Variants in FGF1 observed in about 807,000 individuals in gnomAD.
The protein encoded by FGF1 is beta-endothelial cell growth factor.
FGF1 carries 9 observed loss-of-function variants against 13.4 expected under a neutral mutation model. The ratio of observed to expected loss-of-function variants is 0.67; its 90% CI spans 0.40 to 1.17. FGF1 has a LOEUF of 1.17. Ranked by LOEUF, FGF1 falls within the 50% of genes most tolerant of loss-of-function variation. The pLI is 0.01. For synonymous variants in FGF1, 93 were observed against 79.0 expected, an observed-to-expected ratio of 1.18 and a Z score of -0.94; for missense variants, 156 against 192.7, an observed-to-expected ratio of 0.81 and a Z score of 1.13.
chr5:142,614,234 G>A, intron 1 of FGF1, 73 bp from the exon 2 acceptor site: 1 of 1,227,902 alleles, frequency 8.1e-7, no homozygotes, highest in Non-Finnish European at 1.2e-6. Context: ...AGAGAGGAAG[G>A]ACAGCTCCAG....
intron 1 of FGF1, among the ~76,000 whole-genome samples, chr5:142,643,438 A>G (rs1371394549): frequency 2.6e-5 from 4 of 152,120 alleles, no homozygotes; most frequent in African/African-American, 9.7e-5. Context: ...TATTTGTATA[A>G]TCAGAGAAAT....
chr5:142,622,214 C>T (rs1411105802), intron 1 of FGF1, among the ~76,000 whole-genome samples: 1 of 152,242 alleles, frequency 6.6e-6, no homozygotes, highest in Admixed American at 6.5e-5. Context: ...ACGTTTACTT[C>T]ACTGACTCCT....
At chr5:142,650,652 TTATATG>T (rs993345054) in intron 1 of FGF1, among the ~76,000 whole-genome samples, 1 of 151,822 alleles carries the variant, frequency 6.6e-6, no homozygotes, top group African/African-American at 2.4e-5. Context: ...CATATACACT[TTATATG>T]TGTGTGTGTG....
chr5:142,630,950 G>A (rs1036033492), intron 1 of FGF1, among the ~76,000 whole-genome samples: 3 of 151,926 alleles, frequency 2.0e-5, no homozygotes, highest in African/African-American at 4.8e-5. Flanking sequence ...TTTTTCCCAC[G>A]CTGGACTGTA....
chr5:142,689,823 G>C (rs1209819916), upstream of FGF1, among the ~76,000 whole-genome samples: 1 of 147,828 alleles, frequency 6.8e-6, no homozygotes, highest in African/African-American at 2.5e-5. Context: ...CTCAGCCTCC[G>C]GAGTAGCTGG....
In FGF1 at chr5:142,601,312, T is replaced by C. The variant is rs185908435; in HGVS notation, c.170-507A>G. On this transcript the variant is annotated intron_variant, in intron 2 of 3. Transcript: ENST00000337706. ...GGGAGAGATTCCTGTCCGCAGATCG[T>C]TATTTTATAAAATCTGAGATTGCTG... Among the ~76,000 whole-genome samples the C allele has an allele frequency of 1.1e-4, 16 of 152,302 alleles. 1 individual carries two copies. Among genetic ancestry groups the C allele is most frequent in the Admixed American group, 3.3e-4 (5 of 15,300 alleles).
rs17099022 is a variant in FGF1, at chr5:142,592,563, C to T, written c.*2727G>A. On this transcript the variant is annotated 3_prime_UTR_variant, in exon 4 of 4. Coordinates refer to ENST00000337706, the MANE Select transcript of FGF1 (RefSeq NM_000800.5). ...CGAAAATGAATCCATATGAGAGTCA[C>T]GTGACAGGAGCTGGCTATGAGACTT... 0.11 allele frequency: 45,070 copies of T among 396,992 alleles called. 5,475 individuals carry two copies. The highest frequency in any genetic ancestry group is 0.42 in the African/African-American group (20,384 of 48,590). The allele number at this position is 396,992 out of a possible 1,614,324, so 24.6% of individuals were successfully genotyped here.
intron 1 of FGF1, among the ~76,000 whole-genome samples, chr5:142,615,222 C>CTT (rs796430077): frequency 2.0e-5 from 3 of 146,886 alleles, no homozygotes; most frequent in Non-Finnish European, 3.0e-5. Context: ...GTGAACTGCA[C>CTT]TTTTTTTTTT....
intron 1 of FGF1, among the ~76,000 whole-genome samples, chr5:142,681,822 T>A (rs1490739812): frequency 1.3e-5 from 2 of 152,146 alleles, no homozygotes; most frequent in African/African-American, 2.4e-5. Context: ...CAGCCCCTAC[T>A]ATTATATGCA....
At position 142,595,414 on chromosome 5, in the gene FGF1, T is replaced by C; in HGVS notation, c.344A>G (p.Lys115Arg). ...AAACCAATTCTTCTCTGCATGCTTC[T>C]TGGATATATAGGTGTTGTAATGGTT... ...EENHYNTYIS[K>R]KHAEKNWFVG... The change falls in exon 4 of 4, where the codon AAG becomes AGG. Residue 115 changes from lysine (K) to arginine (R), a missense_variant. Physicochemically the swap from Lys to Arg is conservative, Grantham distance 26. Transcript: ENST00000337706. The C allele has an allele frequency of 1.2e-6, 2 of 1,614,056 alleles. No homozygotes were observed. Among genetic ancestry groups the C allele is most frequent in the Non-Finnish European group, 1.7e-6 (2 of 1,179,934 alleles).
chr5:142,629,344 A>C (rs1762959188), intron 1 of FGF1, among the ~76,000 whole-genome samples: 1 of 152,174 alleles, frequency 6.6e-6, no homozygotes, highest in African/African-American at 2.4e-5. Context: ...ATATATTTTT[A>C]GTAGAGACAA....
At chr5:142,659,691 A>C (rs1403623072) in intron 1 of FGF1, among the ~76,000 whole-genome samples, 1 of 152,210 alleles carries the variant, frequency 6.6e-6, no homozygotes, top group Non-Finnish European at 1.5e-5. Flanking sequence ...GTGAATAACA[A>C]AATCTTTCAG....
At chr5:142,609,568 T>A (rs1758615000) in intron 2 of FGF1, among the ~76,000 whole-genome samples, 1 of 152,114 alleles carries the variant, frequency 6.6e-6, no homozygotes, top group African/African-American at 2.4e-5. Context: ...TGCCTCTGTG[T>A]CAGGCCTCAG....
chr5:142,664,001 C>T (rs1353404075), intron 1 of FGF1, among the ~76,000 whole-genome samples: 1 of 152,074 alleles, frequency 6.6e-6, no homozygotes, highest in East Asian at 1.9e-4. Context: ...GAGCCTATAC[C>T]ATGGAGGCTT....
intron 2 of FGF1, among the ~76,000 whole-genome samples, chr5:142,608,583 TACACAC>T (rs1224660347): frequency 1.7e-5 from 1 of 59,854 alleles, no homozygotes; most frequent in Non-Finnish European, 3.3e-5. Context: ...TATATATATA[TACACAC>T]ACACACACAT....
At chr5:142,644,415 C>T (rs554706315) in intron 1 of FGF1, 9 of 152,108 alleles carry the variant, frequency 5.9e-5, no homozygotes, top group Non-Finnish European at 7.4e-5. Flanking sequence ...AAGTTACACC[C>T]GCCCCCTCAT....
intron 2 of FGF1, among the ~76,000 whole-genome samples, chr5:142,613,707 G>A (rs749051212): frequency 2.0e-5 from 3 of 152,202 alleles, no homozygotes; most frequent in Non-Finnish European, 1.5e-5. Flanking sequence ...CCGGCAGCCC[G>A]TTCTGTTGGG....
chr5:142,650,950 C>A (rs577859546), intron 1 of FGF1, among the ~76,000 whole-genome samples: 3 of 152,238 alleles, frequency 2.0e-5, no homozygotes, highest in African/African-American at 7.2e-5. Context: ...TATAGTTTAA[C>A]ACTCATACTC....
intron 1 of FGF1, among the ~76,000 whole-genome samples, chr5:142,615,730 C>T (rs995781390): frequency 5.9e-5 from 9 of 152,218 alleles, no homozygotes; most frequent in African/African-American, 1.7e-4. Context: ...TGTTCAGTGA[C>T]CTGCCCAAGG....
Sources: allele counts gnomAD v4.1 joint callset (sites outside exome capture counted in the v4.1 genomes callset), GRCh38; gene constraint gnomAD v4.1.1; transcripts MANE v1.5; gene names NCBI Gene and HGNC (gene_info 2026-07-23, HGNC 2026-07-21).